The following ADA variants were observed in gnomAD, a reference collection of about 807,000 sequenced individuals.
ADA encodes the protein adenosine deaminase, also known as adenosine aminohydrolase.
A neutral mutation model predicts 49.0 loss-of-function variants in ADA; 45 were observed. The ratio of observed to expected loss-of-function variants is 0.92; its 90% CI spans 0.72 to 1.18. ADA has a LOEUF of 1.18. ADA is among the 50% of genes most tolerant of loss of function. The pLI is 0.00. For synonymous variants in ADA, 173 were observed against 184.2 expected, an observed-to-expected ratio of 0.94 and a Z score of 0.49; for missense variants, 445 against 472.5, an observed-to-expected ratio of 0.94 and a Z score of 0.54.
At chr20:44,642,852 G>A (rs972461682) in intron 1 of ADA, among the ~76,000 whole-genome samples, 1 of 152,170 alleles carries the variant, frequency 6.6e-6, no homozygotes, top group Non-Finnish European at 1.5e-5. Flanking sequence ...AGACAGTGCC[G>A]GGGTGCAGAA....
At position 44,619,787 on chromosome 20, in the gene ADA, A is replaced by T; in HGVS notation, c.*47T>A. 1 of 1,612,294 alleles carries T rather than the reference A, an allele frequency of 6.2e-7. No individual in the cohort carries two copies. Among genetic ancestry groups the T allele is most frequent in the South Asian group, 1.1e-5 (1 of 91,038 alleles). On this transcript the variant is annotated 3_prime_UTR_variant, in exon 12 of 12. Transcript: ENST00000372874. Reference sequence around the variant, plus strand: ...ATGTAAAAATGTTGCTCAGCCCCACAGAGTTGGGGTGACTCCACAGGGTGA... The same window carrying T: ...ATGTAAAAATGTTGCTCAGCCCCACTGAGTTGGGGTGACTCCACAGGGTGA...
chr20:44,633,564 T>C (rs1680854432), intron 2 of ADA, among the ~76,000 whole-genome samples: 1 of 152,112 alleles, frequency 6.6e-6, no homozygotes, highest in South Asian at 2.1e-4. Flanking sequence ...GGGTTAAGGC[T>C]CTTGCTCCAA....
Position 44,620,394 on chromosome 20 carries a change from T to C in ADA, c.983A>G (p.Asn328Ser), listed in dbSNP as rs778031507. The stretch of plus-strand genomic sequence containing the variant: ...TGGGAGGAAACTAGATTTGGCCGCA[T>C]TGATGTTCTGGAAAGGCCAGAATGG... ...TEEEFKRLNI[N>S]AAKSSFLPED... The change falls in exon 11 of 12, where the codon AAT becomes AGT. Residue 328 changes from asparagine (N) to serine (S), a missense_variant. Transcript: ENST00000372874. 2.8e-5 allele frequency: 45 copies of C among 1,614,044 alleles called. No individual in the cohort carries two copies. Among genetic ancestry groups the C allele is most frequent in the South Asian group, 1.1e-4 (10 of 91,090 alleles).
chr20:44,646,553 G>C (rs2065593824), intron 1 of ADA, among the ~76,000 whole-genome samples: 1 of 151,430 alleles, frequency 6.6e-6, no homozygotes. Flanking sequence ...CACCCCTGAG[G>C]GCCTGCTGTT....
intron 2 of ADA, among the ~76,000 whole-genome samples, chr20:44,632,937 A>G (rs1054148849): frequency 1.3e-5 from 2 of 152,142 alleles, no homozygotes; most frequent in Non-Finnish European, 2.9e-5. Context: ...CAGGTGATCC[A>G]CCCGCCTTGG....
chr20:44,622,666 T>G lies in ADA; in HGVS notation c.781-14A>C, dbSNP rs550893200. On this transcript the variant is annotated splice_polypyrimidine_tract_variant and intron_variant, in intron 8 of 11. Transcript: ENST00000372874. The stretch of plus-strand genomic sequence containing the variant: ...CCAGGGGCAGATCTGGAAGAGCAGG[T>G]GTGTGGCTGGCAGGGATGGCCCCAG... 1 of 1,614,046 alleles carries G rather than the reference T, an allele frequency of 6.2e-7. No homozygotes were observed. The highest frequency in any genetic ancestry group is 1.3e-5 in the African/African-American group (1 of 74,996).
chr20:44,646,623 TC>T (rs2065594586), intron 1 of ADA, among the ~76,000 whole-genome samples: 1 of 151,924 alleles, frequency 6.6e-6, no homozygotes, highest in African/African-American at 2.4e-5. Context: ...AACCCCAAGA[TC>T]TTGGTTTTGT....
intron 1 of ADA, among the ~76,000 whole-genome samples, chr20:44,641,471 G>C (rs1348705088): frequency 6.6e-6 from 1 of 152,126 alleles, no homozygotes; most frequent in Non-Finnish European, 1.5e-5. Flanking sequence ...GGGGCAGGAC[G>C]TGCATGTGGG....
At chr20:44,624,703 C>T (rs778760911) in intron 5 of ADA, among the ~76,000 whole-genome samples, 2 of 152,222 alleles carry the variant, frequency 1.3e-5, no homozygotes, top group African/African-American at 4.8e-5. Flanking sequence ...GATGAGGAAA[C>T]GGAGGACCGT....
At chr20:44,643,133 G>T (rs577698307) in intron 1 of ADA, among the ~76,000 whole-genome samples, 52 of 152,292 alleles carry the variant, frequency 3.4e-4, no homozygotes, top group Admixed American at 2.0e-3. Flanking sequence ...CAATGGGGTG[G>T]CGACCCCGCT....
intron 11 of ADA, 101 bp from the exon 12 acceptor site, chr20:44,619,948 A>G (rs2065312045): frequency 3.4e-6 from 5 of 1,482,878 alleles, no homozygotes; most frequent in East Asian, 4.6e-5. Flanking sequence ...ACTCCTTCCT[A>G]TGATGGCAAG....
At chr20:44,630,392 A>G (rs2065423086) in intron 2 of ADA, among the ~76,000 whole-genome samples, 1 of 152,138 alleles carries the variant, frequency 6.6e-6, no homozygotes, top group African/African-American at 2.4e-5. Context: ...ATGAGGGACA[A>G]AACAACAGAA....
intron 1 of ADA, among the ~76,000 whole-genome samples, chr20:44,644,819 C>T (rs560353131): frequency 6.6e-5 from 10 of 152,338 alleles, no homozygotes; most frequent in South Asian, 2.1e-4. Context: ...CTCCTGCTGA[C>T]GGGGCCTGAC....
rs886056707 is a variant in ADA, at chr20:44,622,938, G to A, written c.679-8C>T. The A allele has an allele frequency of 1.2e-6, 2 of 1,614,236 alleles. No homozygotes were observed. Among genetic ancestry groups the A allele is most frequent in the Non-Finnish European group, 1.7e-6 (2 of 1,180,042 alleles). The stretch of plus-strand genomic sequence containing the variant: ...CTTGAGTATGTCCACAGCCTGTAGA[G>A]AAGCAGAATAGAGCCAAGTATGGGA... On this transcript the variant is annotated splice_polypyrimidine_tract_variant and splice_region_variant and intron_variant, in intron 7 of 11. Transcript: ENST00000372874.
At chr20:44,630,593 T>G (rs2065425134) in intron 2 of ADA, among the ~76,000 whole-genome samples, 3 of 151,992 alleles carry the variant, frequency 2.0e-5, no homozygotes, top group African/African-American at 7.2e-5. Context: ...AGAAAAGAAC[T>G]GGAAGCTAAA....
chr20:44,649,883 C>T (rs959052948), intron 1 of ADA, among the ~76,000 whole-genome samples: 1 of 152,058 alleles, frequency 6.6e-6, no homozygotes, highest in African/African-American at 2.4e-5. Flanking sequence ...CTACAGGCGC[C>T]CGCCACCATG....
intron 2 of ADA, among the ~76,000 whole-genome samples, chr20:44,630,004 C>CCTT (rs397942515): frequency 2.0e-5 from 3 of 148,958 alleles, no homozygotes; most frequent in Non-Finnish European, 4.5e-5. Context: ...TTTCCCCCCC[C>CCTT]TTTTTTTTTT....
In ADA at chr20:44,626,576, C is replaced by A. The variant is rs1425739099; in HGVS notation, c.242G>T (p.Arg81Met). 2 of 1,614,170 alleles carry A rather than the reference C, an allele frequency of 1.2e-6. No homozygotes were observed. The highest frequency in any genetic ancestry group is 2.2e-5 in the South Asian group (2 of 91,072). Residue 81 changes from arginine (R) to methionine (M), a missense_variant, in exon 4 of 12, where the codon AGG (arginine) becomes ATG (methionine). By Grantham distance (91) the Arg-to-Met change is moderately conservative (BLOSUM62 -1). Coordinates refer to ENST00000372874, the MANE Select transcript of ADA (RefSeq NM_000022.4). ...CATCTCTACAAACTCATAGGCGATC[C>A]TTTTGATAGCCTCCCGGCAGCCCCT... ...AIAGCREAIK[R>M]IAYEFVEMKA...
chr20:44,629,254 C>T (rs926342113), intron 2 of ADA, 85 bp from the exon 3 acceptor site: 19 of 1,590,386 alleles, frequency 1.2e-5, no homozygotes, highest in Non-Finnish European at 1.6e-5. Flanking sequence ...GACTCAGGAG[C>T]GCCAGCCTCC....
Sources: allele counts gnomAD v4.1 joint callset (sites outside exome capture counted in the v4.1 genomes callset), GRCh38; gene constraint gnomAD v4.1.1; transcripts MANE v1.5; gene names NCBI Gene and HGNC (gene_info 2026-07-23, HGNC 2026-07-21).